Variants in CASZ1 observed in about 807,000 individuals in gnomAD.
CASZ1 encodes castor zinc finger 1.
In CASZ1, 28 loss-of-function variants were observed where a neutral mutation model predicts 135.2. That is an observed-to-expected ratio of 0.21 (90% CI 0.15 to 0.28). The LOEUF (loss-of-function observed/expected upper bound fraction) is 0.28, where lower values mean the gene tolerates loss of function less well. Among genes scored for constraint, CASZ1 ranks in the 10% least tolerant of loss-of-function variants. CASZ1 has a pLI of 1.00. For missense variants in CASZ1, 2,161 were observed against 2,453.3 expected, an observed-to-expected ratio of 0.88 and a Z score of 2.52; for synonymous variants, 1,068 against 1,073.4, an observed-to-expected ratio of 0.99 and a Z score of 0.10.
intron 5 of CASZ1, among the ~76,000 whole-genome samples, chr1:10,664,213 GC>G (rs1181349687): frequency 2.3e-4 from 35 of 152,262 alleles, no homozygotes; most frequent in African/African-American, 7.2e-4. Flanking sequence ...CAGGGGAAGG[GC>G]TAGGGGAGCG....
At position 10,774,785 on chromosome 1, in the gene CASZ1, G is replaced by A. The variant is rs1254018627; in HGVS notation, c.-233-13928C>T. 2.0e-5 allele frequency among the ~76,000 whole-genome samples: 3 copies of A among 151,964 alleles called. No individual in the cohort carries two copies. Among genetic ancestry groups the A allele is most frequent in the Admixed American group, 6.5e-5 (1 of 15,272 alleles). On this transcript the variant is annotated intron_variant, in intron 1 of 20. Transcript: ENST00000377022. The surrounding 1 kb of genome is among the most constrained non-coding windows in gnomAD (Gnocchi z 4.4). ...TGAGCCCTCCCTCCTCTGTCCCAGC[G>A]CCAAGTTCCCTGCAACCCACAAGCA...
chr1:10,685,972 G>A (rs1222454856), intron 4 of CASZ1, among the ~76,000 whole-genome samples: 1 of 152,198 alleles, frequency 6.6e-6, no homozygotes, highest in African/African-American at 2.4e-5. Flanking sequence ...GGCAGCTGCT[G>A]GCCTGTCCCC....
chr1:10,652,653 C>G (rs926785155), intron 11 of CASZ1: 2 of 152,238 alleles, frequency 1.3e-5, no homozygotes, highest in African/African-American at 2.4e-5. Flanking sequence ...AAGAGAACTG[C>G]GCCCCTCAGT....
chr1:10,719,567 C>A lies in CASZ1; in HGVS notation c.-76-14023G>T, dbSNP rs879743164. 5.9e-5 allele frequency among the ~76,000 whole-genome samples: 9 copies of A among 152,192 alleles called. No individual in the cohort carries two copies. Among genetic ancestry groups the A allele is most frequent in the Non-Finnish European group, 1.3e-4 (9 of 68,042 alleles). On this transcript the variant is annotated intron_variant, in intron 2 of 20. Coordinates refer to ENST00000377022, the MANE Select transcript of CASZ1 (RefSeq NM_001079843.3). The surrounding 1 kb of genome is among the most constrained non-coding windows in gnomAD (Gnocchi z 4.0). Reference sequence around the variant, plus strand: ...GTTTCTAAGGGACACTCAGGTCCACCTGGAGCACGAGGAGAGGCTGGCCAC... The same window carrying A: ...GTTTCTAAGGGACACTCAGGTCCACATGGAGCACGAGGAGAGGCTGGCCAC...
rs373524330 is a variant in CASZ1, at chr1:10,671,415, G to A, written c.17-5844C>T. On this transcript the variant is annotated intron_variant, in intron 4 of 20. Transcript: ENST00000377022. ...GAATCTCAGAGTGCTGCGTGTGGTCGTGGTAACAGAACACAAACATGGCTC... is the reference window on the plus strand; with the variant it reads ...GAATCTCAGAGTGCTGCGTGTGGTCATGGTAACAGAACACAAACATGGCTC... Among the ~76,000 whole-genome samples the A allele has an allele frequency of 1.5e-4, 23 of 152,318 alleles. No individual in the cohort carries two copies. In the South Asian group the frequency reaches 4.6e-3, roughly 30 times the overall value.
At chr1:10,718,893 A>AG (rs1450410953) in intron 2 of CASZ1, among the ~76,000 whole-genome samples, 2 of 151,958 alleles carry the variant, frequency 1.3e-5, no homozygotes, top group Non-Finnish European at 1.5e-5. Flanking sequence ...TTTTTAAGAC[A>AG]GGGTCTCTCT....
chr1:10,766,363 C>T (rs55847806), intron 1 of CASZ1, among the ~76,000 whole-genome samples: 2,042 of 152,334 alleles, frequency 0.013, 29 homozygotes, highest in South Asian at 0.048. Flanking sequence ...ACGACTTTAA[C>T]CTTTCTGTGC....
chr1:10,750,025 C>T (rs1295939545), intron 2 of CASZ1, among the ~76,000 whole-genome samples: 2 of 152,172 alleles, frequency 1.3e-5, no homozygotes, highest in Admixed American at 6.5e-5. Flanking sequence ...TCTGGACAGC[C>T]GGCCTGTGTG....
At chr1:10,732,399 A>G (rs1286318870) in intron 2 of CASZ1, among the ~76,000 whole-genome samples, 2 of 151,940 alleles carry the variant, frequency 1.3e-5, no homozygotes, top group African/African-American at 4.8e-5. Flanking sequence ...ACTTTTTAAG[A>G]TCATAAAGGG....
chr1:10,792,840 G>C (rs1186782754), intron 1 of CASZ1, among the ~76,000 whole-genome samples: 5 of 151,960 alleles, frequency 3.3e-5, no homozygotes, highest in Non-Finnish European at 7.4e-5. Context: ...TAAAATATTT[G>C]GGTGACAATT....
At chr1:10,761,287 C>T (rs1026734173) in intron 1 of CASZ1, among the ~76,000 whole-genome samples, 4 of 152,236 alleles carry the variant, frequency 2.6e-5, no homozygotes, top group Non-Finnish European at 5.9e-5. Flanking sequence ...GGCTCCCCAA[C>T]GCCTGCTCCC....
chr1:10,790,311 G>A (rs1384077724), intron 1 of CASZ1, among the ~76,000 whole-genome samples: 1 of 152,258 alleles, frequency 6.6e-6, no homozygotes, highest in Admixed American at 6.5e-5. Context: ...TTATCGGTCT[G>A]CCGGGCTGCC....
intron 1 of CASZ1, among the ~76,000 whole-genome samples, chr1:10,780,602 T>C (rs1640745059): frequency 1.3e-5 from 2 of 152,214 alleles, no homozygotes; most frequent in African/African-American, 2.4e-5. Flanking sequence ...GGAAAAACAC[T>C]AGACAGAAAT....
intron 2 of CASZ1, among the ~76,000 whole-genome samples, chr1:10,714,167 G>A (rs1017516401): frequency 1.3e-5 from 2 of 152,112 alleles, no homozygotes; most frequent in Non-Finnish European, 2.9e-5. Context: ...ATTAGCCGGT[G>A]TGGTGGCACG....
intron 2 of CASZ1, among the ~76,000 whole-genome samples, chr1:10,743,832 G>A (rs116116386): frequency 0.017 from 2,497 of 144,470 alleles, 77 homozygotes; most frequent in African/African-American, 0.057. Flanking sequence ...AGCAAGAAGC[G>A]AGGGAAATTG....
chr1:10,786,067 G>C (rs1268669583), intron 1 of CASZ1, among the ~76,000 whole-genome samples: 4 of 152,222 alleles, frequency 2.6e-5, no homozygotes, highest in African/African-American at 9.6e-5. Context: ...GCCTCCATCT[G>C]CGAGGCGCTC....
intron 2 of CASZ1, among the ~76,000 whole-genome samples, chr1:10,716,970 C>G (rs998790087): frequency 6.6e-6 from 1 of 152,182 alleles, no homozygotes; most frequent in African/African-American, 2.4e-5. Flanking sequence ...TCCCCCATCT[C>G]AAGGCTGCCC....
chr1:10,700,751 T>G lies in CASZ1; in HGVS notation c.-24+4741A>C, dbSNP rs1639045094. 6.6e-6 allele frequency among the ~76,000 whole-genome samples: 1 copy of G among 152,200 alleles called. No homozygotes were observed. Among genetic ancestry groups the G allele is most frequent in the South Asian group, 2.1e-4 (1 of 4,820 alleles). ...AGTGGAACCCTAGGTCTGCTGATAG[T>G]GGGGGACAGAGAGGGACTGCTAATG... On this transcript the variant is annotated intron_variant, in intron 3 of 20. Coordinates refer to ENST00000377022, the MANE Select transcript of CASZ1 (RefSeq NM_001079843.3). This position sits in a 1 kb window ranked among gnomAD's most constrained non-coding sequence, Gnocchi z 4.2.
Position 10,660,198 on chromosome 1 carries a change from T to C in CASZ1, c.844A>G (p.Thr282Ala). The change falls in exon 6 of 21, where the codon ACG becomes GCG. Residue 282 changes from threonine to alanine, a missense_variant. By Grantham distance (58) the Thr-to-Ala change is moderately conservative. Transcript: ENST00000377022. ...TLPGLRLPSS[T>A]AHLETKATIL... ...GTGGCCTTGGTCTCCAGGTGGGCCG[T>C]GCTGCTGGGCAGCCGCAGGCCGGGC... The C allele has an allele frequency of 1.2e-6, 2 of 1,613,378 alleles. No individual in the cohort carries two copies. The highest frequency in any genetic ancestry group is 1.1e-5 in the South Asian group (1 of 91,072).
Sources: allele counts gnomAD v4.1 joint callset (sites outside exome capture counted in the v4.1 genomes callset), GRCh38; gene constraint gnomAD v4.1.1; non-coding constraint Gnocchi (gnomAD v3.1); transcripts MANE v1.5; gene names NCBI Gene and HGNC (gene_info 2026-07-23, HGNC 2026-07-21).